Variants in PCNT observed in about 807,000 individuals in gnomAD.
PCNT encodes kendrin.
In PCNT, 319 loss-of-function variants were observed where a neutral mutation model predicts 380.4. The observed-to-expected ratio is 0.84, with a 90% CI of 0.77 to 0.92. The LOEUF is 0.92. Ranked by LOEUF, PCNT falls within the 40% of genes least tolerant of loss-of-function variation. PCNT has a pLI of 0.00. For synonymous variants in PCNT, 1,845 were observed against 1,735.2 expected (o/e 1.06, Z -1.57); for missense variants, 4,400 against 4,255.3 (o/e 1.03, Z -0.95).
In PCNT at chr21:46,402,448, C is replaced by G. The variant is rs776240777; in HGVS notation, c.5080C>G (p.Leu1694Val). ...DMQNSQTAVS[L>V]RELEEENTSL... ...GCAGAACAGCCAGACTGCTGTCAGCCTCAGAGAACTTGAGGAAGAGAACAC... is the reference window on the plus strand; with the variant it reads ...GCAGAACAGCCAGACTGCTGTCAGCGTCAGAGAACTTGAGGAAGAGAACAC... Residue 1694 changes from leucine (L) to valine (V), a missense_variant, in exon 27 of 47, where the codon CTC (leucine) becomes GTC (valine). By Grantham distance (32) the Leu-to-Val change is conservative. Transcript: ENST00000359568. The G allele has an allele frequency of 8.7e-6, 14 of 1,614,086 alleles. No homozygotes were observed. Among genetic ancestry groups the G allele is most frequent in the Non-Finnish European group, 1.2e-5 (14 of 1,179,986 alleles).
intron 2 of PCNT, among the ~76,000 whole-genome samples, chr21:46,332,404 A>C (rs1169666964): frequency 6.6e-6 from 1 of 152,234 alleles, no homozygotes; most frequent in East Asian, 1.9e-4. Flanking sequence ...AATTTACAGA[A>C]GTAAGAATAA....
intron 25 of PCNT, among the ~76,000 whole-genome samples, chr21:46,400,401 G>A (rs2086380149): frequency 1.3e-5 from 2 of 152,078 alleles, no homozygotes; most frequent in Admixed American, 6.5e-5. Context: ...TGACTTCTAT[G>A]AGGTTAAAAG....
At chr21:46,430,765 C>T (rs900447730) in intron 37 of PCNT, 108 bp downstream of exon 37, 23 of 1,537,544 alleles carry the variant, frequency 1.5e-5, no homozygotes, top group East Asian at 9.8e-5. Flanking sequence ...GCAGTGCACC[C>T]AGTTGACAGC....
At chr21:46,407,634 C>T (rs1285292224) in intron 27 of PCNT, among the ~76,000 whole-genome samples, 2 of 152,180 alleles carry the variant, frequency 1.3e-5, no homozygotes, top group African/African-American at 2.4e-5. Flanking sequence ...TGAGCCACCG[C>T]GCCCAGTCTA....
intron 9 of PCNT, among the ~76,000 whole-genome samples, chr21:46,352,899 G>T (rs924337992): frequency 1.3e-5 from 2 of 152,182 alleles, no homozygotes; most frequent in Admixed American, 6.5e-5. Context: ...CAGCCCTGTG[G>T]CTCTTGCCAC....
rs1450352574 is a variant in PCNT at position 46,431,528 on chromosome 21, G to A, written c.8065-1G>A. Reference sequence around the variant, plus strand: ...TCCCATCGTATGTGTTTGCTGTCTAGGAGCTGCGGGCGTCTTTGGAGACAC... The same window carrying A: ...TCCCATCGTATGTGTTTGCTGTCTAAGAGCTGCGGGCGTCTTTGGAGACAC... On this transcript the variant is annotated splice_acceptor_variant, in intron 37 of 46. Coordinates refer to ENST00000359568, the MANE Select transcript of PCNT (RefSeq NM_006031.6). LOFTEE classifies it high-confidence loss of function. 4 of 1,614,038 alleles carry A rather than the reference G, an allele frequency of 2.5e-6. No homozygotes were observed. Among genetic ancestry groups the A allele is most frequent in the Non-Finnish European group, 3.4e-6 (4 of 1,179,948 alleles).
At chr21:46,422,581 AG>A (rs2147858000) in intron 32 of PCNT, among the ~76,000 whole-genome samples, 1 of 152,380 alleles carries the variant, frequency 6.6e-6, no homozygotes, top group African/African-American at 2.4e-5. Context: ...AACTTTTCAT[AG>A]GTTTTCTTTC....
In PCNT at chr21:46,334,535, G is replaced by T. The variant is rs59183158; in HGVS notation, c.406G>T (p.Gly136Cys). ...AGAACAGCATGGGATGTTCACAGTC[G>T]GTGACCACCCACCAGAACAGCGTGG... Reference protein sequence around the residue: ...PPEQHGMFTVGDHPPEQRGMF... With the variant: ...PPEQHGMFTVCDHPPEQRGMF... Residue 136 changes from glycine (G) to cysteine (C), a missense_variant, in exon 3 of 47, where the codon GGT becomes TGT. Physicochemically the swap from Gly to Cys is radical, Grantham distance 159. Coordinates refer to ENST00000359568, the MANE Select transcript of PCNT (RefSeq NM_006031.6). 6.6e-7 allele frequency: 1 copy of T among 1,524,158 alleles called. No individual in the cohort carries two copies. The highest frequency in any genetic ancestry group is 8.8e-7 in the Non-Finnish European group (1 of 1,130,528). 94.4% of individuals were successfully genotyped at this position (1,524,158 alleles called of 1,614,324 possible).
rs2087776099 is a variant in PCNT, at chr21:46,431,813, CA to C, written c.8350del (p.Thr2784HisfsTer11). ...CACAGGAGGCTTGCGTGCACCAGGA[CA>C]CACAGGCCCATCACGCTCTGCTGCA... ...RTQEACVHQD[T>X]QAHHALLQKL... On this transcript the variant is annotated frameshift_variant, in exon 38 of 47. Coordinates refer to ENST00000359568, the MANE Select transcript of PCNT (RefSeq NM_006031.6). LOFTEE classifies it high-confidence loss of function. 6.2e-7 allele frequency: 1 copy of C among 1,613,694 alleles called. No homozygotes were observed. The highest frequency in any genetic ancestry group is 8.5e-7 in the Non-Finnish European group (1 of 1,180,024).
intron 43 of PCNT, among the ~76,000 whole-genome samples, chr21:46,441,853 G>T (rs1315286001): frequency 6.6e-6 from 1 of 152,124 alleles, no homozygotes; most frequent in African/African-American, 2.4e-5. Flanking sequence ...CCCTGTGAGG[G>T]CACTGCCTAG....
chr21:46,369,111 A>G lies in PCNT; in HGVS notation c.3165+1972A>G, dbSNP rs188586353. On this transcript the variant is annotated intron_variant, in intron 15 of 46. Coordinates refer to ENST00000359568, the MANE Select transcript of PCNT (RefSeq NM_006031.6). ...CATGTGATCTTGGGGGAATTCCTAG[A>G]AAGCAGAATATGTTCAGGCTCCCTC... Among the ~76,000 whole-genome samples, 12 of 152,334 alleles carry G rather than the reference A, an allele frequency of 7.9e-5. No homozygotes were observed. The East Asian group carries it at 2.3e-3, about 29-fold the overall frequency.
chr21:46,353,000 T>G, intron 9 of PCNT, 104 bp from the exon 10 acceptor site: 2 of 911,738 alleles, frequency 2.2e-6, no homozygotes, highest in Non-Finnish European at 3.6e-6. Context: ...ATGGGCCCTT[T>G]TCCGAGTTCT....
intron 27 of PCNT, among the ~76,000 whole-genome samples, chr21:46,406,767 A>G (rs1411675089): frequency 1.3e-5 from 2 of 152,172 alleles, no homozygotes; most frequent in Admixed American, 1.3e-4. Context: ...AAGTTCTGTT[A>G]TATTTCTAGT....
At chr21:46,361,171 G>T (rs1386034016) in intron 13 of PCNT, among the ~76,000 whole-genome samples, 2 of 152,134 alleles carry the variant, frequency 1.3e-5, no homozygotes, top group Non-Finnish European at 2.9e-5. Flanking sequence ...GATCACCCAA[G>T]GTCAGGAGTT....
intron 10 of PCNT, 96 bp from the exon 11 acceptor site, chr21:46,353,891 C>T (rs928169080): frequency 2.9e-5 from 31 of 1,059,704 alleles, no homozygotes; most frequent in South Asian, 2.1e-4. Flanking sequence ...CACGAGGAGG[C>T]GCCTCTGCTG....
chr21:46,421,926 C>G, intron 31 of PCNT, 44 bp from the exon 32 acceptor site: 2 of 1,609,516 alleles, frequency 1.2e-6, no homozygotes, highest in Non-Finnish European at 1.7e-6. Context: ...TGGGGAACCC[C>G]CTGGAGAGCT....
chr21:46,371,292 C>A (rs1601869236), intron 15 of PCNT, among the ~76,000 whole-genome samples: 1 of 151,012 alleles, frequency 6.6e-6, no homozygotes, highest in Non-Finnish European at 1.5e-5. Flanking sequence ...CTCACTGCAA[C>A]CTCTGCCTCC....
chr21:46,378,245 A>G (rs1940480455), intron 15 of PCNT, among the ~76,000 whole-genome samples: 2 of 152,068 alleles, frequency 1.3e-5, no homozygotes, highest in Non-Finnish European at 2.9e-5. Flanking sequence ...GTTTTTGTCT[A>G]TACATACCTG....
chr21:46,434,633 G>A (rs543901820), intron 38 of PCNT, among the ~76,000 whole-genome samples: 1 of 152,310 alleles, frequency 6.6e-6, no homozygotes, highest in African/African-American at 2.4e-5. Context: ...GGGCTCAGGC[G>A]CTTGCTGACA....
Sources: allele counts gnomAD v4.1 joint callset (sites outside exome capture counted in the v4.1 genomes callset), GRCh38; gene constraint gnomAD v4.1.1; transcripts MANE v1.5; gene names NCBI Gene and HGNC (gene_info 2026-07-23, HGNC 2026-07-21).